ITSN2: variants seen among roughly 807,000 people sequenced by gnomAD.
ITSN2 encodes the protein intersectin 2.
In ITSN2, 156 loss-of-function variants were observed where a neutral mutation model predicts 243.7. The observed-to-expected ratio is 0.64, with a 90% CI of 0.56 to 0.73. ITSN2 has a LOEUF of 0.73. Ranked by LOEUF, ITSN2 falls within the 30% of genes least tolerant of loss-of-function variation. The probability of loss-of-function intolerance (pLI) is 0.00; values close to 1 mark genes in which losing one functional copy is unlikely to be tolerated. For missense variants in ITSN2, 1,801 were observed against 1,996.1 expected, an observed-to-expected ratio of 0.90 and a Z score of 1.86; for synonymous variants, 703 against 699.9, an observed-to-expected ratio of 1.00 and a Z score of -0.07.
intron 30 of ITSN2, among the ~76,000 whole-genome samples, chr2:24,219,194 C>T (rs528366279): frequency 1.3e-5 from 2 of 152,320 alleles, no homozygotes; most frequent in Non-Finnish European, 2.9e-5. Context: ...CCTTACTGGC[C>T]CCACTGTACC....
chr2:24,341,158 G>C (rs1416755390), intron 1 of ITSN2, among the ~76,000 whole-genome samples: 1 of 152,194 alleles, frequency 6.6e-6, no homozygotes, highest in African/African-American at 2.4e-5. Context: ...CAAGATAGAA[G>C]CTCTAAGAAA....
intron 8 of ITSN2, among the ~76,000 whole-genome samples, chr2:24,306,777 A>G (rs1463115577): frequency 6.6e-6 from 1 of 151,784 alleles, no homozygotes; most frequent in Non-Finnish European, 1.5e-5. Context: ...TTGGGACTAT[A>G]GGCACATGCC....
intron 9 of ITSN2, among the ~76,000 whole-genome samples, chr2:24,302,603 A>C (rs940227821): frequency 3.3e-5 from 5 of 152,204 alleles, no homozygotes; most frequent in Non-Finnish European, 7.3e-5. Flanking sequence ...ATTGAATGTA[A>C]GTATGTAAGT....
At chr2:24,336,077 T>C (rs1474263688) in intron 1 of ITSN2, among the ~76,000 whole-genome samples, 3 of 151,146 alleles carry the variant, frequency 2.0e-5, no homozygotes, top group African/African-American at 7.3e-5. Context: ...CCGTCTCTAC[T>C]AAAAATACAA....
At chr2:24,324,793 CAGTGAG>C (rs1287114874) in intron 2 of ITSN2, among the ~76,000 whole-genome samples, 1 of 135,268 alleles carries the variant, frequency 7.4e-6, no homozygotes, top group Non-Finnish European at 1.5e-5. Flanking sequence ...GTTGAGATTG[CAGTGAG>C]CAATGTTCAT....
intron 23 of ITSN2, among the ~76,000 whole-genome samples, chr2:24,255,198 G>A (rs1225590607): frequency 1.3e-5 from 2 of 152,166 alleles, no homozygotes; most frequent in Admixed American, 1.3e-4. Context: ...TTTTGCTTAA[G>A]TTTTCTTCTC....
rs750748470 is a variant in ITSN2 at position 24,293,750 on chromosome 2, A to C, written c.1661T>G (p.Leu554Arg). Residue 554 changes from leucine (L) to arginine (R), a missense_variant, in exon 15 of 40, where the codon CTG (leucine) becomes CGG (arginine). Around this residue, in one of 5 missense-constraint regions of ITSN2, gnomAD observed 787 missense variants for 803.9 expected, o/e 0.98. Transcript: ENST00000355123. ...ATTTAATAATTGCTTCTCAGGTACC[A>C]GATAGATAAGCTTATTCTGATATTC... ...LQEYQNKLIY[L>R]VPEKQLLNER... 13 of 1,143,082 alleles carry C rather than the reference A, an allele frequency of 1.1e-5. No individual in the cohort carries two copies. In the South Asian group the frequency reaches 1.8e-4, roughly 16 times the overall value. 70.8% of individuals were successfully genotyped at this position (1,143,082 alleles called of 1,614,324 possible).
At chr2:24,356,231 G>T (rs1168534268) in intron 1 of ITSN2, among the ~76,000 whole-genome samples, 2 of 149,582 alleles carry the variant, frequency 1.3e-5, no homozygotes, top group African/African-American at 4.9e-5. Flanking sequence ...TGGACGTGGT[G>T]GCACATGCCT....
chr2:24,347,356 T>C (rs1304821534), intron 1 of ITSN2, among the ~76,000 whole-genome samples: 1 of 149,992 alleles, frequency 6.7e-6, no homozygotes, highest in Admixed American at 6.8e-5. Flanking sequence ...CTATAGGAGA[T>C]AGGATATGTT....
At chr2:24,330,738 C>T in intron 1 of ITSN2, 1 of 568,998 alleles carries the variant, frequency 1.8e-6, no homozygotes, top group South Asian at 1.6e-5. Context: ...TATTTTTTAT[C>T]AAGTTTTATA....
chr2:24,282,162 G>A (rs572237358), intron 17 of ITSN2, among the ~76,000 whole-genome samples: 16 of 152,296 alleles, frequency 1.1e-4, no homozygotes, highest in Admixed American at 4.6e-4. Context: ...ACAAAAACCC[G>A]AGATCCTAAA....
intron 34 of ITSN2, chr2:24,210,455 T>G: frequency 3.5e-6 from 1 of 282,332 alleles, no homozygotes; most frequent in Non-Finnish European, 6.6e-6. Context: ...CTACTAAAAA[T>G]ACGAAAATTA....
In ITSN2 at chr2:24,306,660, A is replaced by C. The variant is rs184053132; in HGVS notation, c.793+1957T>G. On this transcript the variant is annotated intron_variant, in intron 8 of 39. Coordinates refer to ENST00000355123, the MANE Select transcript of ITSN2 (RefSeq NM_006277.3). ...ATGTCTTTTTCATCAACTTTTGTTC[A>C]GTTGAAAACAAATAACTTCTTTTTA... Among the ~76,000 whole-genome samples the C allele has an allele frequency of 5.7e-3, 867 of 152,278 alleles. 4 individuals are homozygous for C. Among genetic ancestry groups the C allele is most frequent in the Non-Finnish European group, 9.1e-3 (622 of 68,006 alleles).
At chr2:24,331,215 T>C (rs1362549433) in intron 1 of ITSN2, among the ~76,000 whole-genome samples, 1 of 151,576 alleles carries the variant, frequency 6.6e-6, no homozygotes, top group African/African-American at 2.4e-5. Flanking sequence ...GGGATTACAG[T>C]TGCGCATCAT....
rs753854204 is a variant in ITSN2 at position 24,301,193 on chromosome 2, G to T, written c.1042C>A (p.Gln348Lys). The T allele has an allele frequency of 6.2e-7, 1 of 1,608,058 alleles. No homozygotes were observed. Among genetic ancestry groups the T allele is most frequent in the South Asian group, 1.1e-5 (1 of 90,066 alleles). ...TGAGGCTCCTCTTCTTGCATTTTCT[G>T]ATATGAAGGCAGAGTTCCATTAATG... Reference protein sequence around the residue: ...DSINGTLPSYQKMQEEEPQKK... With the variant: ...DSINGTLPSYKKMQEEEPQKK... The change falls in exon 11 of 40, where the codon CAG becomes AAG. Residue 348 changes from glutamine to lysine, a missense_variant. Gln to Lys is a moderately conservative substitution (Grantham distance 53). Coordinates refer to ENST00000355123, the MANE Select transcript of ITSN2 (RefSeq NM_006277.3).
chr2:24,221,491 A>G (rs1311731907), intron 29 of ITSN2: 1 of 155,618 alleles, frequency 6.4e-6, no homozygotes, highest in Non-Finnish European at 1.4e-5. Flanking sequence ...GCATTAAAAA[A>G]TAAATAAATA....
chr2:24,323,712 C>T (rs1210576231), intron 2 of ITSN2, among the ~76,000 whole-genome samples: 1 of 152,060 alleles, frequency 6.6e-6, no homozygotes, highest in Admixed American at 6.5e-5. Context: ...CCAATAAACC[C>T]AACTTTAAAA....
chr2:24,320,070 GA>G (rs1684374989), intron 2 of ITSN2, among the ~76,000 whole-genome samples: 1 of 152,160 alleles, frequency 6.6e-6, no homozygotes, highest in South Asian at 2.1e-4. Context: ...AGGCCAGGTA[GA>G]AAAGTTAAAA....
intron 34 of ITSN2, 109 bp downstream of exon 34, chr2:24,210,671 T>G: frequency 1.1e-6 from 1 of 886,334 alleles, no homozygotes; most frequent in South Asian, 1.9e-5. Context: ...GGGTGGTGAG[T>G]CCACGCAGGC....
Sources: gnomAD v4.1 joint callset for allele counts (sites outside exome capture counted in the v4.1 genomes callset) on GRCh38, gnomAD v4.1.1 for gene constraint, gnomAD v4.1.1 regional missense constraint, MANE v1.5 for transcripts, NCBI Gene and HGNC (gene_info 2026-07-23, HGNC 2026-07-21) for gene names.